Variants in DIP2C observed in about 807,000 individuals in gnomAD.
DIP2C encodes the protein DIP2 acetate--CoA ligase C (putative).
DIP2C carries 33 observed loss-of-function variants against 192.4 expected under a neutral mutation model. That is an observed-to-expected ratio of 0.17 (90% CI 0.13 to 0.23). DIP2C has a LOEUF of 0.23. Ranked by LOEUF, DIP2C falls within the 10% of genes least tolerant of loss-of-function variation. The probability of loss-of-function intolerance (pLI) is 1.00; values close to 1 mark genes in which losing one functional copy is unlikely to be tolerated. For missense variants in DIP2C, 1,537 were observed against 2,110.1 expected, an observed-to-expected ratio of 0.73 and a Z score of 5.32; for synonymous variants, 979 against 864.1, an observed-to-expected ratio of 1.13 and a Z score of -2.33.
intron 4 of DIP2C, among the ~76,000 whole-genome samples, chr10:432,633 C>G (rs1589784076): frequency 6.6e-6 from 1 of 152,060 alleles, no homozygotes; most frequent in East Asian, 1.9e-4. Flanking sequence ...CGTTGATTTT[C>G]TCTACTGATT....
chr10:646,783 A>G (rs1424981745), intron 1 of DIP2C, among the ~76,000 whole-genome samples: 1 of 152,282 alleles, frequency 6.6e-6, no homozygotes, highest in Non-Finnish European at 1.5e-5. Flanking sequence ...AATTAAAGTA[A>G]TTAAATCTGT....
At chr10:408,496 G>A (rs1964966617) in intron 9 of DIP2C, among the ~76,000 whole-genome samples, 1 of 152,212 alleles carries the variant, frequency 6.6e-6, no homozygotes, top group African/African-American at 2.4e-5. Flanking sequence ...GCAGACTCAT[G>A]CCTTTATAGT....
At chr10:450,335 C>G (rs1459807298) in intron 3 of DIP2C, among the ~76,000 whole-genome samples, 2 of 151,978 alleles carry the variant, frequency 1.3e-5, no homozygotes, top group Non-Finnish European at 2.9e-5. Context: ...ACATTTGGCA[C>G]TTGTCAGGAT....
At chr10:281,995 G>C in intron 35 of DIP2C, 1 of 152,036 alleles carries the variant, frequency 6.6e-6, no homozygotes, top group East Asian at 1.9e-4. Flanking sequence ...AAATTTGAAA[G>C]GCATGATTGA....
chr10:510,320 GCT>G (rs1043704132), intron 1 of DIP2C, among the ~76,000 whole-genome samples: 12 of 152,212 alleles, frequency 7.9e-5, no homozygotes, highest in Non-Finnish European at 1.5e-5. Context: ...CAAGACCCCT[GCT>G]CTGTGTCCTA....
At chr10:414,739 G>GTATGTATATATATATATATATA (rs1554847955) in intron 7 of DIP2C, among the ~76,000 whole-genome samples, 1 of 90,510 alleles carries the variant, frequency 1.1e-5, no homozygotes, top group Non-Finnish European at 2.1e-5. Flanking sequence ...GTGTGTGTGT[G>GTATGTATATATATATATATATA]TACATATATA....
intron 1 of DIP2C, among the ~76,000 whole-genome samples, chr10:546,277 TAAAA>T (rs370870788): frequency 1.9e-4 from 21 of 109,418 alleles, no homozygotes; most frequent in Admixed American, 1.5e-3. Flanking sequence ...GCAAGACTCT[TAAAA>T]AAAAAAAAAA....
chr10:582,774 C>A (rs1850748293), intron 1 of DIP2C, among the ~76,000 whole-genome samples: 1 of 152,138 alleles, frequency 6.6e-6, no homozygotes. Context: ...CGGCCTCTTC[C>A]TGGTTTAAAT....
intron 1 of DIP2C, among the ~76,000 whole-genome samples, chr10:672,282 AAAC>A (rs1830690278): frequency 6.6e-6 from 1 of 152,094 alleles, no homozygotes; most frequent in Non-Finnish European, 1.5e-5. Context: ...CGCACGGAGA[AAAC>A]AGGCCACACA....
chr10:522,432 G>A (rs1374682073), intron 1 of DIP2C, among the ~76,000 whole-genome samples: 1 of 152,238 alleles, frequency 6.6e-6, no homozygotes, highest in African/African-American at 2.4e-5. Flanking sequence ...CTGAGTAAAT[G>A]TCCAGGACTG....
chr10:534,097 T>G lies in DIP2C; in HGVS notation c.86-47567A>C, dbSNP rs186211963. 5.9e-5 allele frequency among the ~76,000 whole-genome samples: 9 copies of G among 151,568 alleles called. No homozygotes were observed. The East Asian group carries it at 1.7e-3, about 29-fold the overall frequency. Reference sequence around the variant, plus strand: ...ATGGTCAACTGGGACGAGGAGCCCCTCCTGCGGATGCAGCAGAGGCCGCCC... The same window carrying G: ...ATGGTCAACTGGGACGAGGAGCCCCGCCTGCGGATGCAGCAGAGGCCGCCC... On this transcript the variant is annotated intron_variant, in intron 1 of 36. Coordinates refer to ENST00000280886, the MANE Select transcript of DIP2C (RefSeq NM_014974.3).
chr10:313,799 T>C (rs1365061320), intron 31 of DIP2C, among the ~76,000 whole-genome samples: 2 of 152,150 alleles, frequency 1.3e-5, no homozygotes, highest in African/African-American at 4.8e-5. Flanking sequence ...AACAAATGAG[T>C]TATATTTAAA....
intron 1 of DIP2C, among the ~76,000 whole-genome samples, chr10:608,010 C>T (rs138990297): frequency 9.2e-4 from 139 of 151,618 alleles, no homozygotes; most frequent in African/African-American, 3.1e-3. Flanking sequence ...TCCGCAGGTG[C>T]GGTCAAGTCA....
intron 1 of DIP2C, among the ~76,000 whole-genome samples, chr10:645,083 GGAAAAGCCT>G (rs1394032369): frequency 6.6e-6 from 1 of 152,068 alleles, no homozygotes; most frequent in African/African-American, 2.4e-5. Flanking sequence ...GAAATAAAGG[GGAAAAGCCT>G]GAAAACATCA....
chr10:352,623 G>A (rs1024846920), intron 24 of DIP2C, among the ~76,000 whole-genome samples: 3 of 152,200 alleles, frequency 2.0e-5, no homozygotes, highest in Non-Finnish European at 2.9e-5. Context: ...AGGGCCATGG[G>A]TCACACCAGG....
At chr10:338,648 G>C (rs550878509) in intron 29 of DIP2C, among the ~76,000 whole-genome samples, 2 of 152,126 alleles carry the variant, frequency 1.3e-5, no homozygotes, top group African/African-American at 2.4e-5. Context: ...CATTTGGAAC[G>C]TACCCCCATG....
chr10:527,612 A>G (rs2130845126), intron 1 of DIP2C, among the ~76,000 whole-genome samples: 1 of 152,350 alleles, frequency 6.6e-6, no homozygotes, highest in East Asian at 1.9e-4. Flanking sequence ...GTAAATACAG[A>G]TGCAGACACA....
intron 2 of DIP2C, chr10:484,769 A>G (rs530881567): frequency 1.9e-6 from 3 of 1,609,404 alleles, no homozygotes. Flanking sequence ...CTCTCAGCAA[A>G]GCAGCGCTCA....
At chr10:482,541 G>C (rs183957658) in intron 2 of DIP2C, among the ~76,000 whole-genome samples, 1 of 152,172 alleles carries the variant, frequency 6.6e-6, no homozygotes, top group Non-Finnish European at 1.5e-5. Flanking sequence ...CAAGCTGTCC[G>C]GCTATTGAAG....
Sources: gnomAD v4.1 joint callset for allele counts (sites outside exome capture counted in the v4.1 genomes callset) on GRCh38, gnomAD v4.1.1 for gene constraint, MANE v1.5 for transcripts, NCBI Gene and HGNC (gene_info 2026-07-23, HGNC 2026-07-21) for gene names.